Variants in TPR observed in about 807,000 individuals in gnomAD.
TPR encodes translocated promoter region, nuclear basket protein.
Under a neutral mutation model 316.1 loss-of-function variants are expected in TPR, and 51 were observed. The ratio of observed to expected loss-of-function variants is 0.16; its 90% confidence interval spans 0.13 to 0.20. TPR has a LOEUF of 0.20. Among genes scored for constraint, TPR ranks in the 10% least tolerant of loss-of-function variants. The pLI is 1.00. For missense variants in TPR, 2,272 were observed against 2,754.8 expected, an observed-to-expected ratio of 0.82 and a Z score of 3.92; for synonymous variants, 981 against 914.7, an observed-to-expected ratio of 1.07 and a Z score of -1.31.
chr1:186,320,073 A>C (rs1377152542), intron 46 of TPR, among the ~76,000 whole-genome samples: 1 of 152,250 alleles, frequency 6.6e-6, no homozygotes, highest in African/African-American at 2.4e-5. Context: ...ACCAGGAGCC[A>C]GAAGAGATAC....
chr1:186,314,767 G>A, intron 49 of TPR, 43 bp from the exon 50 acceptor site: 1 of 1,352,914 alleles, frequency 7.4e-7, no homozygotes, highest in Non-Finnish European at 1.0e-6. Context: ...GTGAAAAAAT[G>A]AGAAAGCATT....
chr1:186,337,113 T>C lies in TPR; in HGVS notation c.4406A>G (p.Gln1469Arg). 1 of 1,613,886 alleles carries C rather than the reference T, an allele frequency of 6.2e-7. No individual in the cohort carries two copies. Among genetic ancestry groups the C allele is most frequent in the African/African-American group, 1.3e-5 (1 of 75,040 alleles). ...SAQSSGDHQEQHVSVQEMQEL... is the reference protein window; with the variant it reads ...SAQSSGDHQERHVSVQEMQEL... ...CTGCATTTCCTGGACTGAAACATGC[T>C]GCTCCTGATGGTCTCCAGAGGACTG... The change falls in exon 32 of 51, where the codon CAG becomes CGG. Residue 1469 changes from glutamine to arginine, a missense_variant. Physicochemically the swap from Gln to Arg is conservative, Grantham distance 43. Around this residue, in one of 10 missense-constraint regions of TPR, gnomAD observed 101 missense variants for 113.0 expected, o/e 0.89. Coordinates refer to ENST00000367478, the MANE Select transcript of TPR (RefSeq NM_003292.3).
chr1:186,355,904 G>C (rs1659014081), intron 15 of TPR, 136 bp from the exon 16 acceptor site: 1 of 1,079,824 alleles, frequency 9.3e-7, no homozygotes, highest in Non-Finnish European at 1.3e-6. Context: ...GATTATAGGA[G>C]TTTTTAAATA....
chr1:186,358,737 C>A, intron 12 of TPR, 87 bp from the exon 13 acceptor site: 1 of 1,005,148 alleles, frequency 9.9e-7, no homozygotes, highest in South Asian at 1.4e-5. Flanking sequence ...CAAACACCAC[C>A]AGTAATCAAC....
intron 18 of TPR, among the ~76,000 whole-genome samples, chr1:186,353,398 C>T (rs1011260926): frequency 2.7e-5 from 4 of 150,456 alleles, no homozygotes; most frequent in African/African-American, 4.9e-5. Flanking sequence ...AAAAAAAAAA[C>T]GTCTTTGTTA....
chr1:186,358,703 C>T (rs1558030009), intron 12 of TPR, 53 bp from the exon 13 acceptor site: 3 of 1,468,492 alleles, frequency 2.0e-6, no homozygotes, highest in Admixed American at 1.8e-5. Flanking sequence ...AGGATTTATA[C>T]AAGTAATAAA....
chr1:186,358,525 A>T lies in TPR; in HGVS notation c.1497+18T>A. 6.2e-7 allele frequency: 1 copy of T among 1,600,608 alleles called. No homozygotes were observed. The highest frequency in any genetic ancestry group is 8.5e-7 in the Non-Finnish European group (1 of 1,173,912). ...GTCAGGTTTTTAAAAGTAGGAAAACAAACAAAAAAATTCTAACCTGTTGTG... is the reference window on the plus strand; with the variant it reads ...GTCAGGTTTTTAAAAGTAGGAAAACTAACAAAAAAATTCTAACCTGTTGTG... On this transcript the variant is annotated intron_variant, in intron 13 of 50. Coordinates refer to ENST00000367478, the MANE Select transcript of TPR (RefSeq NM_003292.3).
At chr1:186,361,292 T>C (rs189429847) in intron 9 of TPR, among the ~76,000 whole-genome samples, 343 of 152,072 alleles carry the variant, frequency 2.3e-3, no homozygotes, top group Middle Eastern at 0.01. Flanking sequence ...ATAAAGAGGA[T>C]GTCTTATTTA....
chr1:186,331,225 T>C (rs772642038), intron 39 of TPR, among the ~76,000 whole-genome samples: 1 of 152,048 alleles, frequency 6.6e-6, no homozygotes, highest in East Asian at 1.9e-4. Flanking sequence ...GTAATTAAAA[T>C]AGGGAAAAAT....
At chr1:186,370,499 T>C (rs1659488489) in intron 3 of TPR, among the ~76,000 whole-genome samples, 1 of 152,082 alleles carries the variant, frequency 6.6e-6, no homozygotes, top group East Asian at 1.9e-4. Flanking sequence ...CCTTCAGAAA[T>C]GTGAAGAAAT....
chr1:186,337,437 T>C (rs78166255), intron 31 of TPR, among the ~76,000 whole-genome samples: 2,490 of 152,226 alleles, frequency 0.016, 35 homozygotes, highest in Non-Finnish European at 0.029. Context: ...GTGAAAAAAG[T>C]ATACAAAAGA....
rs1403184060 is a variant in TPR at position 186,331,699 on chromosome 1, G to A, written c.5605-118C>T. On this transcript the variant is annotated intron_variant, in intron 38 of 50. Transcript: ENST00000367478. ...CAAATCTATATTTTATGAAACTATA[G>A]AAAAATAAAAAAATTTTATTTAAAA... The A allele has an allele frequency of 1.7e-5, 9 of 534,296 alleles. No individual in the cohort carries two copies. The East Asian group carries it at 3.2e-4, about 19-fold the overall frequency. 33.1% of individuals were successfully genotyped at this position (534,296 alleles called of 1,614,324 possible).
intron 40 of TPR, among the ~76,000 whole-genome samples, chr1:186,326,667 A>ATC (rs1657942180): frequency 6.6e-6 from 1 of 151,814 alleles, no homozygotes; most frequent in Non-Finnish European, 1.5e-5. Flanking sequence ...CCTTATATAT[A>ATC]TAAAATACAC....
intron 42 of TPR, among the ~76,000 whole-genome samples, chr1:186,325,165 A>T (rs1019266482): frequency 1.3e-5 from 2 of 152,134 alleles, no homozygotes; most frequent in Non-Finnish European, 1.5e-5. Context: ...CTATGTCAAC[A>T]CTAATGATTT....
rs775217915 is a variant in TPR, at chr1:186,373,395, C to T, written c.220G>A (p.Glu74Lys). The T allele has an allele frequency of 1.3e-4, 207 of 1,613,520 alleles. No homozygotes were observed. The Admixed American group carries it at 3.3e-3, about 26-fold the overall frequency. Residue 74 changes from glutamate to lysine, a missense_variant, in exon 2 of 51, where the codon GAG becomes AAG. Physicochemically the swap from Glu to Lys is moderately conservative, Grantham distance 56. This residue lies in a region of TPR where 549 missense variants were observed against 598.6 expected (regional missense o/e 0.92). Transcript: ENST00000367478. ...SQERLVNETR[E>K]CQSLRLELEK... is the part of the protein sequence containing the mutation. ...AGCTCAAGCCGCAAGCTTTGACACT[C>T]TCGGGTTTCATTCACAAGTCTCTCC... is the stretch of plus-strand genomic sequence containing the variant.
Position 186,347,467 on chromosome 1 carries a change from C to T in TPR, c.2777-9G>A, listed in dbSNP as rs1370311250. The T allele has an allele frequency of 6.2e-7, 1 of 1,610,938 alleles. No homozygotes were observed. On this transcript the variant is annotated splice_polypyrimidine_tract_variant and intron_variant, in intron 21 of 50. Transcript: ENST00000367478. ...TTTGTTGCTAGGCTGACCTAAAAGA[C>T]ATAACAGCTCTGTTAAAATTAACAT...
At chr1:186,342,076 TCTC>T (rs1226970637) in intron 27 of TPR, 1 of 152,324 alleles carries the variant, frequency 6.6e-6, no homozygotes, top group African/African-American at 2.4e-5. Context: ...TTTACGCCGT[TCTC>T]CTGCCTCAGC....
chr1:186,363,353 C>T lies in TPR; in HGVS notation c.520G>A (p.Val174Ile), dbSNP rs1453888486. Reference sequence around the variant, plus strand: ...CATCTGGTACTTGCCTTAACAGAAACATCAGAAGCTTGAAGTTCATCCAAT... The same window carrying T: ...CATCTGGTACTTGCCTTAACAGAAATATCAGAAGCTTGAAGTTCATCCAAT... ...LKLDELQASDVSVKYREKRLE... is the reference protein window; with the variant it reads ...LKLDELQASDISVKYREKRLE... Residue 174 changes from valine (V) to isoleucine (I), a missense_variant, in exon 5 of 51, where the codon GTT becomes ATT. Val to Ile is a conservative substitution (Grantham distance 29, BLOSUM62 3). Around this residue, in one of 10 missense-constraint regions of TPR, gnomAD observed 549 missense variants for 598.6 expected, o/e 0.92. Coordinates refer to ENST00000367478, the MANE Select transcript of TPR (RefSeq NM_003292.3). 5.0e-6 allele frequency: 8 copies of T among 1,611,680 alleles called. No homozygotes were observed. Among genetic ancestry groups the T allele is most frequent in the Non-Finnish European group, 5.9e-6 (7 of 1,178,392 alleles).
chr1:186,356,664 T>A (rs922293375), intron 14 of TPR: 1 of 432,272 alleles, frequency 2.3e-6, no homozygotes. Flanking sequence ...ATCTGAAAAA[T>A]TTGTTTGTAA....
Sources: allele counts gnomAD v4.1 joint callset (sites outside exome capture counted in the v4.1 genomes callset), GRCh38; gene constraint gnomAD v4.1.1; regional missense constraint gnomAD v4.1.1; transcripts MANE v1.5; gene names NCBI Gene and HGNC (gene_info 2026-07-23, HGNC 2026-07-21).